The following SCLT1 variants were observed in gnomAD, a reference collection of about 807,000 sequenced individuals.
SCLT1 encodes the protein sodium channel-associated protein 1.
A neutral mutation model predicts 112.8 loss-of-function variants in SCLT1; 78 were observed. That is an observed-to-expected ratio of 0.69 (90% CI 0.58 to 0.83). The LOEUF is 0.83. Ranked by LOEUF, SCLT1 falls within the 40% of genes least tolerant of loss-of-function variation. The pLI is 0.00. For synonymous variants in SCLT1, 257 were observed against 254.7 expected (o/e 1.01, Z -0.09); for missense variants, 747 against 770.4 (o/e 0.97, Z 0.36).
intron 10 of SCLT1, among the ~76,000 whole-genome samples, chr4:128,966,553 T>C (rs563001479): frequency 3.8e-4 from 58 of 152,298 alleles, no homozygotes; most frequent in African/African-American, 1.2e-3. Flanking sequence ...TTAAAGATAT[T>C]AAGAGAAAAG....
At chr4:129,055,415 G>A (rs1478341846) in intron 2 of SCLT1, among the ~76,000 whole-genome samples, 1 of 152,168 alleles carries the variant, frequency 6.6e-6, no homozygotes, top group Admixed American at 6.5e-5. Context: ...CTGTCCCAGG[G>A]GGATGGGAGT....
intron 18 of SCLT1, among the ~76,000 whole-genome samples, chr4:128,894,101 G>A (rs964804931): frequency 2.0e-5 from 3 of 151,854 alleles, no homozygotes; most frequent in Non-Finnish European, 4.4e-5. Flanking sequence ...CATCATGCCC[G>A]GCTAGTTTTT....
In SCLT1 at chr4:129,091,296, A is replaced by T. The variant is rs1425553563; in HGVS notation, c.34+1774T>A. ...ATCAGTTATTTTAAGCCTTTGAACC[A>T]TTCCTTCTTCTGCTCCTTCTGCTTG... On this transcript the variant is annotated intron_variant, in intron 1 of 20. Coordinates refer to ENST00000281142, the MANE Select transcript of SCLT1 (RefSeq NM_144643.4). Among the ~76,000 whole-genome samples, 4 of 151,884 alleles carry T rather than the reference A, an allele frequency of 2.6e-5. No individual in the cohort carries two copies. In the East Asian group the frequency reaches 7.8e-4, roughly 30 times the overall value.
chr4:129,035,434 A>C (rs1439041567), intron 5 of SCLT1, among the ~76,000 whole-genome samples: 1 of 152,096 alleles, frequency 6.6e-6, no homozygotes, highest in African/African-American at 2.4e-5. Context: ...AAAGACATAA[A>C]AACTGGTTTA....
At chr4:128,873,926 T>C (rs535546716) in intron 5 of SCLT1, 5 of 152,776 alleles carry the variant, frequency 3.3e-5, no homozygotes, top group Admixed American at 3.3e-4. Flanking sequence ...AAATAGTAGA[T>C]CTGATACATC....
rs1014103433 is a variant in SCLT1 at position 128,951,422 on chromosome 4, C to T, written c.1218+1347G>A. Among the ~76,000 whole-genome samples, 109 of 151,976 alleles carry T rather than the reference C, an allele frequency of 7.2e-4. 4 individuals are homozygous for T. The highest frequency in any genetic ancestry group is 2.0e-4 in the Admixed American group (3 of 15,268). ...GTTTTACTATAAGAAACACTTTTTGCAATAAACTGAAATTGTCATTCTTTT... is the reference window on the plus strand; with the variant it reads ...GTTTTACTATAAGAAACACTTTTTGTAATAAACTGAAATTGTCATTCTTTT... On this transcript the variant is annotated intron_variant, in intron 14 of 20. Coordinates refer to ENST00000281142, the MANE Select transcript of SCLT1 (RefSeq NM_144643.4).
At chr4:128,933,581 A>G (rs1262383727) in intron 18 of SCLT1, among the ~76,000 whole-genome samples, 1 of 152,060 alleles carries the variant, frequency 6.6e-6, no homozygotes, top group Non-Finnish European at 1.5e-5. Flanking sequence ...TCTGTAATCA[A>G]TCATTTTTCC....
chr4:129,081,555 G>A (rs186955863), intron 2 of SCLT1, among the ~76,000 whole-genome samples: 9 of 152,270 alleles, frequency 5.9e-5, no homozygotes, highest in African/African-American at 1.9e-4. Context: ...CAGAGCAGGA[G>A]GAAGAGAGAG....
intron 18 of SCLT1, among the ~76,000 whole-genome samples, chr4:128,924,758 G>A (rs539274294): frequency 6.6e-6 from 1 of 152,030 alleles, no homozygotes; most frequent in Non-Finnish European, 1.5e-5. Context: ...GGCGTGGCAC[G>A]TAAGCTCTGA....
intron 9 of SCLT1, among the ~76,000 whole-genome samples, chr4:128,972,794 T>A (rs1740804365): frequency 6.6e-6 from 1 of 152,228 alleles, no homozygotes; most frequent in South Asian, 2.1e-4. Flanking sequence ...TCTCCTCTTT[T>A]GTTCATTCTT....
chr4:128,956,169 A>T (rs972847834), intron 13 of SCLT1, among the ~76,000 whole-genome samples: 1 of 152,228 alleles, frequency 6.6e-6, no homozygotes, highest in African/African-American at 2.4e-5. Context: ...TAGATTATTT[A>T]AAGCTTCATG....
At chr4:128,887,583 C>G (rs17414502) in intron 20 of SCLT1, among the ~76,000 whole-genome samples, 7,133 of 152,178 alleles carry the variant, frequency 0.047, 220 homozygotes, top group Non-Finnish European at 0.071. Flanking sequence ...CTCGCCTCCC[C>G]TATCTATCTA....
chr4:128,930,598 A>C (rs1736677876), intron 18 of SCLT1, among the ~76,000 whole-genome samples: 1 of 152,238 alleles, frequency 6.6e-6, no homozygotes, highest in South Asian at 2.1e-4. Context: ...AAGAAGAATC[A>C]ATAGGACTCG....
At position 128,965,227 on chromosome 4, in the gene SCLT1, C is replaced by T. The variant is rs1478806342; in HGVS notation, c.869G>A (p.Arg290Lys). 4.6e-6 allele frequency: 7 copies of T among 1,518,004 alleles called. No individual in the cohort carries two copies. The highest frequency in any genetic ancestry group is 4.6e-6 in the Non-Finnish European group (5 of 1,097,030). 94.0% of individuals were successfully genotyped at this position (1,518,004 alleles called of 1,614,324 possible). Residue 290 changes from arginine to lysine, a missense_variant and splice_region_variant, in exon 11 of 21, where the codon AGA becomes AAA. Physicochemically the swap from Arg to Lys is conservative, Grantham distance 26 (BLOSUM62 2). This residue lies in a region of SCLT1 where 723 missense variants were observed against 721.3 expected (regional missense o/e 1.00). Transcript: ENST00000281142. ...LQSSIKQLEI[R>K]LCVTIQEANQ... ...AAGCTAGGTGCATTTAACAATTTAC[C>T]TTATTTCTAATTGTTTTATACTAGA... is the stretch of plus-strand genomic sequence containing the variant.
intron 15 of SCLT1, among the ~76,000 whole-genome samples, chr4:128,946,908 A>G (rs1259552893): frequency 6.6e-6 from 1 of 152,154 alleles, no homozygotes; most frequent in Non-Finnish European, 1.5e-5. Flanking sequence ...TCCCTCTTAC[A>G]GCACAAGGTC....
intron 9 of SCLT1, chr4:128,971,559 C>T (rs1268327002): frequency 6.6e-6 from 1 of 152,062 alleles, no homozygotes; most frequent in Non-Finnish European, 1.5e-5. Flanking sequence ...TAGAGGAGAG[C>T]AAGGTTGATA....
chr4:128,893,665 C>G (rs1211610147), intron 18 of SCLT1, among the ~76,000 whole-genome samples: 13 of 152,024 alleles, frequency 8.6e-5, no homozygotes, highest in Non-Finnish European at 8.8e-5. Flanking sequence ...GCCTCAGCCT[C>G]CCAAGTAGCT....
intron 9 of SCLT1, among the ~76,000 whole-genome samples, chr4:128,983,872 A>C (rs1364010355): frequency 6.6e-6 from 1 of 152,204 alleles, no homozygotes; most frequent in Non-Finnish European, 1.5e-5. Flanking sequence ...TATTCTTGGC[A>C]TGGCTATATA....
intron 2 of SCLT1, among the ~76,000 whole-genome samples, chr4:129,058,323 T>G (rs1429930798): frequency 3.3e-5 from 5 of 152,190 alleles, no homozygotes; most frequent in African/African-American, 4.8e-5. Flanking sequence ...TTAGGTTAAT[T>G]GAAGTCTTTC....
Sources: allele counts gnomAD v4.1 joint callset (sites outside exome capture counted in the v4.1 genomes callset), GRCh38; gene constraint gnomAD v4.1.1; regional missense constraint gnomAD v4.1.1; transcripts MANE v1.5; gene names NCBI Gene and HGNC (gene_info 2026-07-23, HGNC 2026-07-21).